The following TTN variants were observed in gnomAD, a reference collection of about 807,000 sequenced individuals.
The protein encoded by TTN is titin, also known as connectin.
In TTN, 1,525 loss-of-function variants were observed where a neutral mutation model predicts 3,223.0. That is an observed-to-expected ratio of 0.47 (90% CI 0.45 to 0.49). The LOEUF (loss-of-function observed/expected upper bound fraction) is 0.49. Among genes scored for constraint, TTN ranks in the 20% least tolerant of loss-of-function variants. The pLI is 0.00. For synonymous variants in TTN, 14,094 were observed against 15,161.0 expected (o/e 0.93, Z 5.17); for missense variants, 40,786 against 43,424.0 (o/e 0.94, Z 5.40).
intron 294 of TTN, 123 bp from the exon 295 acceptor site, chr2:178,595,932 A>G: frequency 1.1e-6 from 1 of 925,360 alleles, no homozygotes; most frequent in Non-Finnish European, 1.6e-6. Flanking sequence ...GTGTCTACTA[A>G]TTGAGTTAGT....
intron 20 of TTN, among the ~76,000 whole-genome samples, chr2:178,781,921 T>C (rs2092801078): frequency 6.6e-6 from 1 of 151,928 alleles, no homozygotes; most frequent in Non-Finnish European, 1.5e-5. Context: ...TGTGTGTGTG[T>C]GTGTGTGTGG....
rs200732032 is a variant in TTN at position 178,592,871 on chromosome 2, C to T, written c.59248G>A (p.Gly19750Ser). 445 of 1,613,304 alleles carry T rather than the reference C, an allele frequency of 2.8e-4. 1 individual carries two copies. The highest frequency in any genetic ancestry group is 3.6e-4 in the Non-Finnish European group (424 of 1,179,592). Residue 19750 changes from glycine (G) to serine (S), a missense_variant, in exon 300 of 363, where the codon GGT becomes AGT. Physicochemically the swap from Gly to Ser is moderately conservative, Grantham distance 56. Coordinates refer to ENST00000589042, the MANE Select transcript of TTN (RefSeq NM_001267550.2). ...TKYKVTGLRD[G>S]QTYKFRVLAV... ...AACACTCTAAACTTATAGGTTTGAC[C>T]GTCCCGAAGACCGGTGACTTTATAT...
chr2:178,593,122 G>A (rs966889422), intron 299 of TTN, 39 bp from the exon 300 acceptor site: 1 of 1,610,240 alleles, frequency 6.2e-7, no homozygotes, highest in African/African-American at 1.3e-5. Context: ...GCATATAGCT[G>A]AAAACAAAGT....
chr2:178,616,591 A>G lies in TTN; in HGVS notation c.48200T>C (p.Ile16067Thr), dbSNP rs2057385323. Residue 16067 changes from isoleucine to threonine, a missense_variant, in exon 257 of 363, where the codon ATA becomes ACA. Transcript: ENST00000589042. The stretch of plus-strand genomic sequence containing the variant: ...AGTCAAATGTACTGAGTCCTTGGTT[A>G]TATCACCAAATTTCAATTCTTTGGG... ...SAPKELKFGD[I>T]TKDSVHLTWE... is the part of the protein sequence containing the mutation. The G allele has an allele frequency of 1.2e-6, 2 of 1,612,350 alleles. No homozygotes were observed. Among genetic ancestry groups the G allele is most frequent in the Non-Finnish European group, 8.5e-7 (1 of 1,178,996 alleles).
At chr2:178,768,253 A>G in intron 38 of TTN, 98 bp from the exon 39 acceptor site, 1 of 1,340,798 alleles carries the variant, frequency 7.5e-7, no homozygotes, top group Non-Finnish European at 1.0e-6. Flanking sequence ...ATACAATTCA[A>G]TGAATTTCCA....
chr2:178,544,914 C>T (rs1362212225), intron 344 of TTN, among the ~76,000 whole-genome samples: 1 of 152,140 alleles, frequency 6.6e-6, no homozygotes, highest in Non-Finnish European at 1.5e-5. Context: ...AATTCAGTCC[C>T]AGTGACTATT....
chr2:178,725,735 G>A, intron 70 of TTN, 33 bp downstream of exon 70: 1 of 1,555,964 alleles, frequency 6.4e-7, no homozygotes, highest in Non-Finnish European at 8.7e-7. Context: ...GCACATTTAT[G>A]ACATTTCTGC....
chr2:178,744,618 T>G (rs548353155), intron 47 of TTN: 1 of 939,172 alleles, frequency 1.1e-6, no homozygotes, highest in East Asian at 1.2e-4. Context: ...ATAGGAAAGC[T>G]TGTTATCTTG....
intron 228 of TTN, among the ~76,000 whole-genome samples, 152 bp downstream of exon 228, chr2:178,635,013 A>G (rs1576725634): frequency 6.6e-6 from 1 of 152,104 alleles, no homozygotes; most frequent in East Asian, 1.9e-4. Flanking sequence ...GTTGTCCCCA[A>G]ATGATACGTA....
rs761539202 is a variant in TTN at position 178,632,255 on chromosome 2, C to G, written c.43639G>C (p.Glu14547Gln). The G allele has an allele frequency of 6.2e-7, 1 of 1,608,890 alleles. No homozygotes were observed. The highest frequency in any genetic ancestry group is 8.5e-7 in the Non-Finnish European group (1 of 1,177,476). Residue 14547 changes from glutamate to glutamine, a missense_variant, in exon 236 of 363, where the codon GAA becomes CAA. Physicochemically the swap from Glu to Gln is conservative, Grantham distance 29. Coordinates refer to ENST00000589042, the MANE Select transcript of TTN (RefSeq NM_001267550.2). ...AATGTGATCGAATGAGTTTTCCCTT[C>G]GTCTTGCATTGAGACCGACCTGGTG... The part of the protein sequence containing the change: ...HTTRSVSMQD[E>Q]GKTHSITFKD...
At position 178,732,520 on chromosome 2, in the gene TTN, G is replaced by A; in HGVS notation, c.16541C>T (p.Thr5514Ile). Residue 5514 changes from threonine to isoleucine, a missense_variant, in exon 56 of 363, where the codon ACC becomes ATC. Thr to Ile is a moderately conservative substitution (Grantham distance 89, BLOSUM62 -1). Transcript: ENST00000589042. ...ACATGTGTACGTGCCCGAATCAGAG[G>A]TTTTTACTAAATAGAGTTCCAGGGA... ...ESSLELYLVKTSDSGTYTCKV... is the reference protein window; with the variant it reads ...ESSLELYLVKISDSGTYTCKV... 1 of 1,613,706 alleles carries A rather than the reference G, an allele frequency of 6.2e-7. No homozygotes were observed. Among genetic ancestry groups the A allele is most frequent in the Non-Finnish European group, 8.5e-7 (1 of 1,179,744 alleles).
chr2:178,769,912 T>C lies in TTN; in HGVS notation c.8669A>G (p.Asn2890Ser), dbSNP rs1574561545. The change falls in exon 37 of 363, where the codon AAT becomes AGT. Residue 2890 changes from asparagine to serine, a missense_variant. Coordinates refer to ENST00000589042, the MANE Select transcript of TTN (RefSeq NM_001267550.2). ...ETLHITKTMK[N>S]IEVPETKTAS... ...AGTTTTGGTCTCAGGCACCTCGATATTTTTCATGGTTTTTGTAATATGTAA... is the reference window on the plus strand; with the variant it reads ...AGTTTTGGTCTCAGGCACCTCGATACTTTTCATGGTTTTTGTAATATGTAA... 2 of 1,614,122 alleles carry C rather than the reference T, an allele frequency of 1.2e-6. No homozygotes were observed. Among genetic ancestry groups the C allele is most frequent in the Non-Finnish European group, 1.7e-6 (2 of 1,180,002 alleles).
rs192766485 is a variant in TTN, at chr2:178,630,241, G to A, written c.44281C>T (p.Pro14761Ser). 1,875 of 1,612,582 alleles carry A rather than the reference G, an allele frequency of 1.2e-3. 4 individuals carry two copies. Among genetic ancestry groups the A allele is most frequent in the Non-Finnish European group, 1.5e-3 (1,747 of 1,179,246 alleles). ...TCCCTGAAAAATATACAATACTTAC[G>A]CTTAACTCGGAGGTGGGCACTAGAT... ...VKSSAHLRVKPRVIGLLRPLK... is the reference protein window; with the variant it reads ...VKSSAHLRVKSRVIGLLRPLK... The change falls in exon 239 of 363, where the codon CCA becomes TCA. Residue 14761 changes from proline to serine, a missense_variant and splice_region_variant. Physicochemically the swap from Pro to Ser is moderately conservative, Grantham distance 74. Coordinates refer to ENST00000589042, the MANE Select transcript of TTN (RefSeq NM_001267550.2).
Position 178,634,759 on chromosome 2 carries a change from G to A in TTN, c.42115C>T (p.Leu14039Phe). 2.5e-6 allele frequency: 4 copies of A among 1,613,166 alleles called. No homozygotes were observed. Among genetic ancestry groups the A allele is most frequent in the South Asian group, 1.1e-5 (1 of 91,024 alleles). The part of the protein sequence containing the change: ...DQAGEVLYQA[L>F]NAITTAILTV... ...AAAATGGCAGTTGTAATTGCATTAA[G>A]GGCCTGGTAGAGGACTTCACCAGCT... Residue 14039 changes from leucine (L) to phenylalanine (F), a missense_variant, in exon 229 of 363, where the codon CTT becomes TTT. Physicochemically the swap from Leu to Phe is conservative, Grantham distance 22. Transcript: ENST00000589042. The surrounding 1 kb of genome is among the most constrained non-coding windows in gnomAD (Gnocchi z 4.6).
At chr2:178,665,010 A>G (rs1413416931) in intron 165 of TTN, 84 bp from the exon 166 acceptor site, 4 of 1,439,608 alleles carry the variant, frequency 2.8e-6, no homozygotes, top group African/African-American at 2.9e-5. Context: ...AAATATAACC[A>G]CATTTTCTTC....
rs750729841 is a variant in TTN at position 178,611,210 on chromosome 2, G to A, written c.50919C>T (p.Ser16973=). The A allele has an allele frequency of 1.6e-5, 25 of 1,612,496 alleles. No individual in the cohort carries two copies. Among genetic ancestry groups the A allele is most frequent in the Non-Finnish European group, 2.0e-5 (24 of 1,179,254 alleles). Residue 16973 remains serine (S), a synonymous_variant, in exon 270 of 363, where the codon AGC becomes AGT. Coordinates refer to ENST00000589042, the MANE Select transcript of TTN (RefSeq NM_001267550.2). ...GGACAGCTCTGAAGGGAACAGGAAT[G>A]CTTAACTTTTCACCTTCAATAACAA... ...DIIVIEGEKL[S]IPVPFRAVPV...
rs747496717 is a variant in TTN at position 178,624,641 on chromosome 2, T to C, written c.44639A>G (p.Asn14880Ser). Residue 14880 changes from asparagine (N) to serine (S), a missense_variant, in exon 242 of 363, where the codon AAT becomes AGT. Transcript: ENST00000589042. ...ATTTTTGAACCATTTCACCTTAGCA[T>C]TTTCTCTGGAGACTTCACACTCCAG... ...AVLECEVSRE[N>S]AKVKWFKNGT... The C allele has an allele frequency of 6.2e-7, 1 of 1,612,568 alleles. No homozygotes were observed. Among genetic ancestry groups the C allele is most frequent in the Middle Eastern group, 1.7e-4 (1 of 6,048 alleles).
rs890373063 is a variant in TTN at position 178,684,741 on chromosome 2, C to T, written c.32563G>A (p.Glu10855Lys). The change falls in exon 131 of 363, where the codon GAG becomes AAG. Residue 10855 changes from glutamate (E) to lysine (K), a missense_variant. Coordinates refer to ENST00000589042, the MANE Select transcript of TTN (RefSeq NM_001267550.2). ...EKVPPPKVPE[E>K]PKKPVPEKKV... is the part of the protein sequence containing the mutation. ...TTTTCTGGAACTGGTTTCTTTGGCT[C>T]TTCTGGCACTTAAAAGATACCAGGC... 6.2e-7 allele frequency: 1 copy of T among 1,613,396 alleles called. No individual in the cohort carries two copies. The highest frequency in any genetic ancestry group is 8.5e-7 in the Non-Finnish European group (1 of 1,179,640).
chr2:178,635,099 A>G, intron 228 of TTN, 66 bp downstream of exon 228: 1 of 1,586,560 alleles, frequency 6.3e-7, no homozygotes, highest in Non-Finnish European at 8.6e-7. Flanking sequence ...AATCTAGGAT[A>G]TAGATCCTGA....
Sources: gnomAD v4.1 joint callset for allele counts (sites outside exome capture counted in the v4.1 genomes callset) on GRCh38, gnomAD v4.1.1 for gene constraint, Gnocchi (gnomAD v3.1) non-coding constraint, MANE v1.5 for transcripts, NCBI Gene and HGNC (gene_info 2026-07-23, HGNC 2026-07-21) for gene names.